The following ARSL variants were observed in gnomAD, a reference collection of about 807,000 sequenced individuals.
The protein encoded by ARSL is arylsulfatase E (chondrodysplasia punctata 1).
ARSL carries 4 observed loss-of-function variants against 31.1 expected under a neutral mutation model. The ratio of observed to expected loss-of-function variants is 0.13; its 90% CI spans 0.06 to 0.29. ARSL has a LOEUF of 0.29. Among genes scored for constraint, ARSL ranks in the 10% least tolerant of loss-of-function variants. The probability of loss-of-function intolerance (pLI) is 1.00; values close to 1 mark genes in which losing one functional copy is unlikely to be tolerated. For synonymous variants in ARSL, 198 were observed against 209.9 expected (o/e 0.94, Z 0.49); for missense variants, 312 against 497.8 (o/e 0.63, Z 3.55).
At chrX:2,935,311 A>G in intron 10 of ARSL, 121 bp from the exon 11 acceptor site, 1 of 624,176 alleles carries the variant, frequency 1.6e-6, no homozygotes, top group Non-Finnish European at 2.6e-6. Flanking sequence ...GGATGGACAG[A>G]TAAACAAAAC....
At chrX:2,956,947 C>T (rs888770354) in intron 3 of ARSL, among the ~76,000 whole-genome samples, 1 of 107,393 alleles carries the variant, frequency 9.3e-6, no homozygotes, top group Non-Finnish European at 1.9e-5. Flanking sequence ...ATGTGCCAGG[C>T]GTGGTGGCTC....
At chrX:2,959,550 T>C in intron 2 of ARSL, 1 of 1,119,436 alleles carries the variant, frequency 8.9e-7, no homozygotes, top group South Asian at 2.2e-5. Flanking sequence ...GGGGAAACCC[T>C]GATTTTCCCT....
At chrX:2,949,252 G>A (rs900257444) in intron 6 of ARSL, 52 bp downstream of exon 6, 4 of 1,189,113 alleles carry the variant, frequency 3.4e-6, no homozygotes, top group Admixed American at 4.4e-5. Flanking sequence ...TTTAGGATGC[G>A]TTTTCATTCC....
chrX:2,955,673 G>A (rs2089515074), intron 3 of ARSL, 136 bp from the exon 4 acceptor site: 1 of 745,162 alleles, frequency 1.3e-6, no homozygotes, highest in Non-Finnish European at 2.0e-6. Context: ...TGACCCAAAG[G>A]TAATGTCAAA....
chrX:2,960,083 C>A (rs1187966079), intron 2 of ARSL, among the ~76,000 whole-genome samples: 1 of 102,207 alleles, frequency 9.8e-6, no homozygotes, highest in East Asian at 3.0e-4. Context: ...TCCTGGCTAA[C>A]ACGGTGAAAC....
intron 7 of ARSL, among the ~76,000 whole-genome samples, chrX:2,944,309 C>G (rs1388835722): frequency 9.2e-6 from 1 of 109,071 alleles, no homozygotes; most frequent in Non-Finnish European, 1.9e-5. Flanking sequence ...CAAAAATTAG[C>G]CAGGCATGGT....
intron 1 of ARSL, among the ~76,000 whole-genome samples, chrX:2,962,803 A>G (rs2089655517): frequency 1.8e-5 from 2 of 111,177 alleles, no homozygotes; most frequent in African/African-American, 6.6e-5. Context: ...TCTGCCTCCC[A>G]TTCTAGTCAA....
intron 8 of ARSL, among the ~76,000 whole-genome samples, chrX:2,939,494 G>C (rs2089250969): frequency 8.9e-6 from 1 of 112,342 alleles, no homozygotes; most frequent in Non-Finnish European, 1.9e-5. Flanking sequence ...CAATGGCAAT[G>C]AGATAAAGAA....
intron 2 of ARSL, chrX:2,959,825 G>A: frequency 6.4e-6 from 5 of 786,971 alleles, no homozygotes; most frequent in East Asian, 3.7e-5. Flanking sequence ...GGAGGCCAAG[G>A]TGGGAGCATT....
chrX:2,945,953 A>C (rs780057492), intron 7 of ARSL, 45 bp downstream of exon 7: 2 of 1,202,130 alleles, frequency 1.7e-6, no homozygotes, highest in East Asian at 5.9e-5. Flanking sequence ...TCCTGCTTCT[A>C]TTGCTGGAAG....
At chrX:2,948,626 G>A (rs2089417344) in intron 6 of ARSL, among the ~76,000 whole-genome samples, 1 of 111,277 alleles carries the variant, frequency 9.0e-6, no homozygotes, top group Non-Finnish European at 1.9e-5. Flanking sequence ...AAGTAGCTGG[G>A]CCTACAAGTC....
intron 5 of ARSL, among the ~76,000 whole-genome samples, chrX:2,951,941 T>C (rs2089469912): frequency 1.8e-5 from 2 of 109,022 alleles, no homozygotes; most frequent in African/African-American, 3.4e-5. Context: ...TTTAGAAATA[T>C]AGTTTATTGA....
chrX:2,955,667 C>A, intron 3 of ARSL, 130 bp from the exon 4 acceptor site: 1 of 780,250 alleles, frequency 1.3e-6, no homozygotes, highest in African/African-American at 2.1e-5. Flanking sequence ...CAGGAATGAC[C>A]CAAAGGTAAT....
At position 2,949,358 on chromosome X, in the gene ARSL, C is replaced by T; in HGVS notation, c.800G>A (p.Cys267Tyr). The T allele has an allele frequency of 8.3e-7, 1 of 1,211,679 alleles. No homozygotes were observed. The highest frequency in any genetic ancestry group is 1.7e-5 in the African/African-American group (1 of 57,759). The change falls in exon 6 of 11, where the codon TGC becomes TAC. Residue 267 changes from cysteine (C) to tyrosine (Y), a missense_variant. Cys to Tyr is a radical substitution (Grantham distance 194, BLOSUM62 -2). Transcript: ENST00000381134. ...RNHTITEQPM[C>Y]FQRTTPLILQ... The stretch of plus-strand genomic sequence containing the variant: ...AATAAGGGGTGTCGTTCTTTGGAAG[C>T]ACATGGGCTGCTCCGTGATGGTGTG...
At chrX:2,939,681 G>C (rs1361197400) in intron 8 of ARSL, among the ~76,000 whole-genome samples, 1 of 110,310 alleles carries the variant, frequency 9.1e-6, no homozygotes. Flanking sequence ...GCTCTTTCAA[G>C]GACTGAAAAA....
At chrX:2,939,038 T>G (rs969683552) in intron 8 of ARSL, among the ~76,000 whole-genome samples, 5 of 111,044 alleles carry the variant, frequency 4.5e-5, no homozygotes, top group Admixed American at 9.6e-5. Context: ...GATTGCACTT[T>G]AGTCCTCCTG....
At chrX:2,941,177 A>G (rs1230722757) in intron 8 of ARSL, among the ~76,000 whole-genome samples, 1 of 109,340 alleles carries the variant, frequency 9.1e-6, no homozygotes, top group Non-Finnish European at 1.9e-5. Context: ...GAAGCATGTT[A>G]CAACCTCTTG....
Position 2,943,299 on chromosome X carries a change from T to C in ARSL, c.992-100A>G, listed in dbSNP as rs374339041. On this transcript the variant is annotated intron_variant, in intron 7 of 10. Transcript: ENST00000381134. ...AGCATTCGGGGGCTAGCCACAAGAA[T>C]GAAGCCTTAGTTTTAACGCATAATG... is the stretch of plus-strand genomic sequence containing the variant. The C allele has an allele frequency of 1.6e-4, 166 of 1,046,130 alleles. No individual in the cohort carries two copies. The East Asian group carries it at 2.4e-3, about 15-fold the overall frequency. The allele number at this position is 1,046,130 out of a possible 1,213,427, so 86.2% of individuals were successfully genotyped here. A position where few individuals can be genotyped will look rare whatever the true frequency, so the allele number is the denominator to read the frequency against.
At chrX:2,957,278 G>T (rs2089538663) in intron 3 of ARSL, among the ~76,000 whole-genome samples, 2 of 109,283 alleles carry the variant, frequency 1.8e-5, no homozygotes, top group Admixed American at 9.7e-5. Flanking sequence ...ATGTTTCCCA[G>T]GCTGGTCTTG....
Sources: allele counts gnomAD v4.1 joint callset (sites outside exome capture counted in the v4.1 genomes callset), GRCh38; gene constraint gnomAD v4.1.1; transcripts MANE v1.5; gene names NCBI Gene and HGNC (gene_info 2026-07-23, HGNC 2026-07-21).